The following NR5A2 variants were observed in gnomAD, a reference collection of about 807,000 sequenced individuals.
NR5A2 encodes the protein nuclear receptor subfamily 5 group A member 2, also known as CYP7A promoter-binding factor.
A neutral mutation model predicts 62.7 loss-of-function variants in NR5A2; 26 were observed. The observed-to-expected ratio is 0.41, with a 90% CI of 0.30 to 0.58. The LOEUF (loss-of-function observed/expected upper bound fraction) is 0.58, where lower values mean the gene tolerates loss of function less well. Among genes scored for constraint, NR5A2 ranks in the 20% least tolerant of loss-of-function variants. The pLI, the probability that NR5A2 is intolerant of heterozygous loss-of-function variation, is 0.22. For synonymous variants in NR5A2, 246 were observed against 241.7 expected (o/e 1.02, Z -0.16); for missense variants, 541 against 669.1 (o/e 0.81, Z 2.11).
chr1:200,056,497 C>T (rs1040463535), intron 5 of NR5A2, among the ~76,000 whole-genome samples: 1 of 152,142 alleles, frequency 6.6e-6, no homozygotes, highest in African/African-American at 2.4e-5. Context: ...AACTCCTCTC[C>T]CCACCCCAGT....
rs1667769237 is a variant in NR5A2, at chr1:200,147,630, G to A, written c.1379-26333G>A. 1.4e-6 allele frequency: 1 copy of A among 711,730 alleles called. No individual in the cohort carries two copies. The highest frequency in any genetic ancestry group is 2.6e-6 in the Non-Finnish European group (1 of 379,624). The allele number at this position is 711,730 out of a possible 1,614,324, so 44.1% of individuals were successfully genotyped here. A position where few individuals can be genotyped will look rare whatever the true frequency, so the allele number is the denominator to read the frequency against. On this transcript the variant is annotated intron_variant, in intron 7 of 7. Transcript: ENST00000367362. This position sits in a 1 kb window ranked among gnomAD's most constrained non-coding sequence, Gnocchi z 4.9. ...TTTCGCACAGGCAGCGCCGCAGCTT[G>A]CCCTGGATCTTGTCGATTGAGTTGA...
At chr1:200,132,040 G>GTC (rs968139954) in intron 7 of NR5A2, among the ~76,000 whole-genome samples, 1 of 152,002 alleles carries the variant, frequency 6.6e-6, no homozygotes, top group South Asian at 2.1e-4. Context: ...TTGAGATGGA[G>GTC]TCTCTCTCTC....
chr1:200,097,643 AG>A (rs1194323269), intron 5 of NR5A2, among the ~76,000 whole-genome samples: 2 of 152,234 alleles, frequency 1.3e-5, no homozygotes, highest in Non-Finnish European at 2.9e-5. Context: ...AGTAAAGGAA[AG>A]GCTATCTAGA....
At chr1:200,088,463 C>A (rs1358672841) in intron 5 of NR5A2, among the ~76,000 whole-genome samples, 2 of 151,854 alleles carry the variant, frequency 1.3e-5, no homozygotes, top group Non-Finnish European at 2.9e-5. Flanking sequence ...CTCCATGTTG[C>A]TCAGGCTGGT....
intron 5 of NR5A2, among the ~76,000 whole-genome samples, chr1:200,097,821 C>T (rs182413370): frequency 6.6e-6 from 1 of 152,232 alleles, no homozygotes; most frequent in Admixed American, 6.5e-5. Flanking sequence ...CCTGCATATT[C>T]TTCTCCTTTA....
intron 7 of NR5A2, among the ~76,000 whole-genome samples, chr1:200,129,062 C>G (rs1366934391): frequency 6.6e-6 from 1 of 152,110 alleles, no homozygotes; most frequent in Non-Finnish European, 1.5e-5. Context: ...AATATCAGAA[C>G]CTGGCAGAGG....
chr1:200,081,767 CTTTT>C (rs3033982), intron 5 of NR5A2, among the ~76,000 whole-genome samples: 1 of 145,026 alleles, frequency 6.9e-6, no homozygotes. Context: ...CATAGTCTAC[CTTTT>C]TTTTTTTTTT....
rs980539872 is a variant in NR5A2 at position 200,147,052 on chromosome 1, C to T, written c.1378+26097C>T. On this transcript the variant is annotated intron_variant, in intron 7 of 7. Coordinates refer to ENST00000367362, the MANE Select transcript of NR5A2 (RefSeq NM_205860.3). The surrounding 1 kb of genome is among the most constrained non-coding windows in gnomAD (Gnocchi z 4.9). ...AAAACTTGGAACAACAAGGAATTAACTGGGTGGCAGCAAAGGGCACCAAAA... is the reference window on the plus strand; with the variant it reads ...AAAACTTGGAACAACAAGGAATTAATTGGGTGGCAGCAAAGGGCACCAAAA... Among the ~76,000 whole-genome samples, 1 of 151,404 alleles carries T rather than the reference C, an allele frequency of 6.6e-6. No homozygotes were observed. Among genetic ancestry groups the T allele is most frequent in the Non-Finnish European group, 1.5e-5 (1 of 67,942 alleles).
At chr1:200,057,630 C>A in intron 5 of NR5A2, 2 of 359,188 alleles carry the variant, frequency 5.6e-6, no homozygotes, top group East Asian at 1.1e-4. Flanking sequence ...AGGCGTGCAC[C>A]ACAACACCCA....
In NR5A2 at chr1:200,039,607, T is replaced by G. The variant is rs372097883; in HGVS notation, c.65-51T>G. Reference sequence around the variant, plus strand: ...AGGGTTGGGTTAGCAGGCATCCCGGTCGCCCCTTCCTTCTTTTCGCCGGAG... The same window carrying G: ...AGGGTTGGGTTAGCAGGCATCCCGGGCGCCCCTTCCTTCTTTTCGCCGGAG... On this transcript the variant is annotated intron_variant, in intron 1 of 7. Transcript: ENST00000367362. This position sits in a 1 kb window ranked among gnomAD's most constrained non-coding sequence, Gnocchi z 5.1. 633 of 1,605,922 alleles carry G rather than the reference T, an allele frequency of 3.9e-4. 2 individuals carry two copies. The African/African-American group carries it at 7.7e-3, about 20-fold the overall frequency.
chr1:200,092,734 G>A (rs1452008863), intron 5 of NR5A2, among the ~76,000 whole-genome samples: 11 of 151,806 alleles, frequency 7.2e-5, no homozygotes, highest in Admixed American at 7.2e-4. Flanking sequence ...TAAATAAGTT[G>A]CTTTTCTACC....
chr1:200,073,947 G>A (rs1228759516), intron 5 of NR5A2, among the ~76,000 whole-genome samples: 1 of 152,078 alleles, frequency 6.6e-6, no homozygotes, highest in Non-Finnish European at 1.5e-5. Context: ...AGAACACAGG[G>A]CAGAGCTTTT....
chr1:200,057,915 A>C (rs1662993567), intron 5 of NR5A2: 1 of 153,726 alleles, frequency 6.5e-6, no homozygotes, highest in African/African-American at 2.4e-5. Flanking sequence ...CTCCTGCCTC[A>C]GCCTCCCGAG....
At chr1:200,118,205 TG>T (rs1185842109) in intron 6 of NR5A2, among the ~76,000 whole-genome samples, 4 of 151,046 alleles carry the variant, frequency 2.6e-5, no homozygotes, top group Non-Finnish European at 5.9e-5. Flanking sequence ...TTAGCACAGA[TG>T]GGGTTTCACC....
At chr1:200,091,394 C>T (rs987807274) in intron 5 of NR5A2, among the ~76,000 whole-genome samples, 2 of 151,812 alleles carry the variant, frequency 1.3e-5, no homozygotes, top group African/African-American at 4.8e-5. Flanking sequence ...GTTATTTGCC[C>T]GAGTTCACAC....
At chr1:200,108,511 A>T (rs1665797674) in intron 5 of NR5A2, among the ~76,000 whole-genome samples, 1 of 152,200 alleles carries the variant, frequency 6.6e-6, no homozygotes, top group Admixed American at 6.5e-5. Flanking sequence ...CTTAAGCTGG[A>T]ATCCTTTTTA....
At chr1:200,051,639 C>A (rs991582593) in intron 5 of NR5A2, among the ~76,000 whole-genome samples, 2 of 152,154 alleles carry the variant, frequency 1.3e-5, no homozygotes, top group African/African-American at 2.4e-5. Context: ...CTTGGGCTTA[C>A]TTTGACCAGG....
intron 5 of NR5A2, among the ~76,000 whole-genome samples, chr1:200,070,263 C>T (rs1049832682): frequency 3.3e-5 from 5 of 152,010 alleles, no homozygotes; most frequent in Non-Finnish European, 4.4e-5. Context: ...TCGGCTTTCT[C>T]GGTCTTTTGG....
chr1:200,035,347 C>A (rs1289971959), intron 1 of NR5A2, among the ~76,000 whole-genome samples: 1 of 152,148 alleles, frequency 6.6e-6, no homozygotes, highest in Non-Finnish European at 1.5e-5. Flanking sequence ...TCTACCCAGG[C>A]GCGCGGGGAA....
Sources: allele counts gnomAD v4.1 joint callset (sites outside exome capture counted in the v4.1 genomes callset), GRCh38; gene constraint gnomAD v4.1.1; non-coding constraint Gnocchi (gnomAD v3.1); transcripts MANE v1.5; gene names NCBI Gene and HGNC (gene_info 2026-07-23, HGNC 2026-07-21).